The following DOCK4 variants were observed in gnomAD, a reference collection of about 807,000 sequenced individuals.
DOCK4 encodes dedicator of cytokinesis protein 4.
A neutral mutation model predicts 268.1 loss-of-function variants in DOCK4; 97 were observed. The observed-to-expected ratio is 0.36, with a 90% CI of 0.31 to 0.43. DOCK4 has a LOEUF of 0.43. Among genes scored for constraint, DOCK4 ranks in the 20% least tolerant of loss-of-function variants. The pLI, the probability that DOCK4 is intolerant of heterozygous loss-of-function variation, is 1.00. For synonymous variants in DOCK4, 954 were observed against 887.2 expected (o/e 1.08, Z -1.34); for missense variants, 2,145 against 2,455.7 (o/e 0.87, Z 2.67).
intron 23 of DOCK4, among the ~76,000 whole-genome samples, chr7:111,851,652 T>C (rs997215845): frequency 6.6e-6 from 1 of 152,060 alleles, no homozygotes; most frequent in Non-Finnish European, 1.5e-5. Flanking sequence ...TCTTTCTACT[T>C]GAGGACCCAA....
intron 1 of DOCK4, among the ~76,000 whole-genome samples, chr7:112,050,212 C>G (rs1423528273): frequency 6.6e-6 from 1 of 152,130 alleles, no homozygotes; most frequent in African/African-American, 2.4e-5. Context: ...AGAGGCCTCT[C>G]TTAAAACACT....
At chr7:111,743,384 C>G (rs372480660) in intron 44 of DOCK4, among the ~76,000 whole-genome samples, 2 of 152,208 alleles carry the variant, frequency 1.3e-5, no homozygotes, top group African/African-American at 4.8e-5. Flanking sequence ...GGGCATCCAG[C>G]ACCTTCCCTA....
At chr7:111,926,131 AG>A in intron 12 of DOCK4, among the ~76,000 whole-genome samples, 1 of 146,302 alleles carries the variant, frequency 6.8e-6, no homozygotes, top group Non-Finnish European at 1.5e-5. Context: ...AAAGAAAGAA[AG>A]AAAGAAAGAA....
At chr7:112,144,078 G>A (rs888603075) in intron 1 of DOCK4, among the ~76,000 whole-genome samples, 2 of 152,078 alleles carry the variant, frequency 1.3e-5, no homozygotes, top group Non-Finnish European at 2.9e-5. Flanking sequence ...ATCTTTTGGG[G>A]GACTCAGTTT....
At chr7:112,142,051 TA>T (rs1814983826) in intron 1 of DOCK4, among the ~76,000 whole-genome samples, 1 of 152,160 alleles carries the variant, frequency 6.6e-6, no homozygotes, top group Non-Finnish European at 1.5e-5. Context: ...ACACTGAGTC[TA>T]GGAGCCAGAT....
At chr7:111,998,226 A>G (rs1185372765) in intron 4 of DOCK4, among the ~76,000 whole-genome samples, 1 of 152,188 alleles carries the variant, frequency 6.6e-6, no homozygotes, top group Non-Finnish European at 1.5e-5. Flanking sequence ...GGACACTGAG[A>G]GACCTCCAGT....
At chr7:111,935,785 G>A (rs1045076999) in intron 11 of DOCK4, among the ~76,000 whole-genome samples, 157 bp from the exon 12 acceptor site, 1 of 152,170 alleles carries the variant, frequency 6.6e-6, no homozygotes, top group Non-Finnish European at 1.5e-5. Context: ...TAGCATGGTT[G>A]TCCCAGGATG....
intron 1 of DOCK4, among the ~76,000 whole-genome samples, chr7:112,042,299 G>A (rs1329805920): frequency 1.3e-5 from 2 of 152,142 alleles, no homozygotes; most frequent in African/African-American, 2.4e-5. Flanking sequence ...AGGAATCAGT[G>A]ACCAGGAGAC....
At chr7:111,834,545 C>G (rs1803087612) in intron 26 of DOCK4, 43 bp downstream of exon 26, 1 of 1,414,826 alleles carries the variant, frequency 7.1e-7, no homozygotes, top group African/African-American at 1.4e-5. Context: ...ACAAGATAAA[C>G]CCAAAAGATA....
At chr7:112,143,216 T>C (rs377540415) in intron 1 of DOCK4, among the ~76,000 whole-genome samples, 19 of 151,524 alleles carry the variant, frequency 1.3e-4, no homozygotes, top group African/African-American at 4.6e-4. Context: ...AGGATCACAA[T>C]GCCTTGGGCT....
At chr7:111,957,931 C>G (rs950749976) in intron 8 of DOCK4, among the ~76,000 whole-genome samples, 1 of 152,064 alleles carries the variant, frequency 6.6e-6, no homozygotes, top group Non-Finnish European at 1.5e-5. Flanking sequence ...TTTTTATGTA[C>G]TTTTTTTAGC....
chr7:111,933,573 AC>A (rs1447142806), intron 12 of DOCK4, among the ~76,000 whole-genome samples: 1 of 151,820 alleles, frequency 6.6e-6, no homozygotes, highest in Admixed American at 6.6e-5. Context: ...GTGATTACAG[AC>A]GTGAGCCACC....
In DOCK4 at chr7:111,800,817, C is replaced by T. The variant is rs557964974; in HGVS notation, c.3166+8004G>A. Among the ~76,000 whole-genome samples the T allele has an allele frequency of 2.5e-3, 381 of 152,216 alleles. 7 individuals are homozygous for T. The highest frequency in any genetic ancestry group is 8.8e-3 in the African/African-American group (366 of 41,530). On this transcript the variant is annotated intron_variant, in intron 30 of 52. Coordinates refer to ENST00000428084, the MANE Select transcript of DOCK4 (RefSeq NM_001363540.2). The stretch of plus-strand genomic sequence containing the variant: ...TCCCCCACACGACACCCCTTTTCAA[C>T]AGGAAGTAGCCAGAAAGAATCGTCA...
chr7:112,187,844 T>C (rs905695846), intron 1 of DOCK4, among the ~76,000 whole-genome samples: 11 of 151,886 alleles, frequency 7.2e-5, no homozygotes, highest in South Asian at 2.1e-4. Flanking sequence ...CTAAGTGCAA[T>C]ATTATATTTT....
intron 15 of DOCK4, among the ~76,000 whole-genome samples, chr7:111,898,178 A>C (rs1586303380): frequency 6.6e-6 from 1 of 152,198 alleles, no homozygotes; most frequent in African/African-American, 2.4e-5. Context: ...AAAAGACTAT[A>C]CAAGATCTGG....
chr7:111,861,504 T>C (rs1424381327), intron 23 of DOCK4, among the ~76,000 whole-genome samples: 3 of 152,022 alleles, frequency 2.0e-5, no homozygotes, highest in Non-Finnish European at 4.4e-5. Context: ...CCTAGCCCTT[T>C]GGGAGGCTGA....
chr7:111,751,131 T>G (rs1796611161), intron 42 of DOCK4, among the ~76,000 whole-genome samples: 1 of 152,208 alleles, frequency 6.6e-6, no homozygotes, highest in South Asian at 2.1e-4. Context: ...CAGTAGCACA[T>G]AACACCAAGT....
chr7:111,863,357 A>C lies in DOCK4; in HGVS notation c.2473+15T>G. ...CTTTTCAGAGGCACAATTTCCTCCA[A>C]GAGACTCACCCTACCTGGGTTGGTA... On this transcript the variant is annotated intron_variant, in intron 23 of 52. Transcript: ENST00000428084. The C allele has an allele frequency of 4.3e-6, 7 of 1,613,956 alleles. No homozygotes were observed. The highest frequency in any genetic ancestry group is 4.2e-6 in the Non-Finnish European group (5 of 1,179,858).
chr7:111,869,686 A>G (rs1247304660), intron 20 of DOCK4, 31 bp from the exon 21 acceptor site: 3 of 1,594,688 alleles, frequency 1.9e-6, no homozygotes, highest in Non-Finnish European at 2.6e-6. Flanking sequence ...TGCAGAATGT[A>G]AAATTGGTCT....
Sources: gnomAD v4.1 joint callset for allele counts (sites outside exome capture counted in the v4.1 genomes callset) on GRCh38, gnomAD v4.1.1 for gene constraint, MANE v1.5 for transcripts, NCBI Gene and HGNC (gene_info 2026-07-23, HGNC 2026-07-21) for gene names.